KCNJ6: variants seen among roughly 807,000 people sequenced by gnomAD.
KCNJ6 encodes potassium inwardly rectifying channel subfamily J member 6, also known as G protein-activated inward rectifier potassium channel 2.
In KCNJ6, 9 loss-of-function variants were observed where a neutral mutation model predicts 34.2. That is an observed-to-expected ratio of 0.26 (90% CI 0.16 to 0.46). The LOEUF is 0.46. KCNJ6 is among the 20% of genes least tolerant of loss of function. The pLI, the probability that KCNJ6 is intolerant of heterozygous loss-of-function variation, is 1.00. For synonymous variants in KCNJ6, 196 were observed against 207.1 expected (o/e 0.95, Z 0.46); for missense variants, 236 against 531.3 (o/e 0.44, Z 5.46).
rs373930118 is a variant in KCNJ6 at position 37,714,395 on chromosome 21, C to T, written c.762G>A (p.Pro254=). The stretch of plus-strand genomic sequence containing the variant: ...CTACGTTGATATCCGTCTGGTTCAA[C>T]GGGATGAACTCCCCCTCCGAGGTCT... ...SKQTSEGEFI[P]LNQTDINVGY... The change falls in exon 3 of 4, where the codon CCG becomes CCA. Residue 254 remains proline, a synonymous_variant. Transcript: ENST00000609713. The surrounding 1 kb of genome is among the most constrained non-coding windows in gnomAD (Gnocchi z 5.9). 58 of 1,613,972 alleles carry T rather than the reference C, an allele frequency of 3.6e-5. 1 individual carries two copies. The highest frequency in any genetic ancestry group is 1.6e-4 in the Middle Eastern group (1 of 6,084).
At chr21:37,648,673 G>C (rs2054416777) in intron 3 of KCNJ6, among the ~76,000 whole-genome samples, 1 of 152,106 alleles carries the variant, frequency 6.6e-6, no homozygotes, top group African/African-American at 2.4e-5. Flanking sequence ...TTATTATGCT[G>C]CTTCTTGGAG....
chr21:37,802,506 G>A (rs1034530955), intron 2 of KCNJ6, among the ~76,000 whole-genome samples: 1 of 152,176 alleles, frequency 6.6e-6, no homozygotes, highest in African/African-American at 2.4e-5. Flanking sequence ...TGGAGAGAGA[G>A]AGATTGGAAG....
chr21:37,855,629 A>G (rs1275495293), intron 1 of KCNJ6, among the ~76,000 whole-genome samples: 8 of 152,240 alleles, frequency 5.3e-5, no homozygotes, highest in Non-Finnish European at 1.0e-4. Flanking sequence ...TTCAGAAGGC[A>G]GAAGTCAAGA....
At chr21:37,672,038 TTC>T (rs911912174) in intron 3 of KCNJ6, among the ~76,000 whole-genome samples, 20 of 152,324 alleles carry the variant, frequency 1.3e-4, no homozygotes, top group African/African-American at 3.1e-4. Flanking sequence ...TTGGAATACT[TTC>T]TGTTTCTTTT....
chr21:37,692,382 C>T (rs1008132577), intron 3 of KCNJ6, among the ~76,000 whole-genome samples: 3 of 151,864 alleles, frequency 2.0e-5, no homozygotes, highest in Non-Finnish European at 2.9e-5. Flanking sequence ...GTGAATGGTA[C>T]TTAAAGTGTG....
At chr21:37,783,821 A>G (rs2055181025) in intron 2 of KCNJ6, among the ~76,000 whole-genome samples, 1 of 152,134 alleles carries the variant, frequency 6.6e-6, no homozygotes, top group Non-Finnish European at 1.5e-5. Flanking sequence ...AGCTTTTAGG[A>G]TTAGTGTACT....
chr21:37,885,232 TG>T (rs577855317), intron 1 of KCNJ6, among the ~76,000 whole-genome samples: 242 of 152,172 alleles, frequency 1.6e-3, no homozygotes, highest in African/African-American at 5.5e-3. Context: ...GGGGTCCTCT[TG>T]GGGGAGGTAC....
intron 3 of KCNJ6, among the ~76,000 whole-genome samples, chr21:37,655,212 TGTGTGTGTGTGTGAGA>T (rs2054453817): frequency 6.7e-5 from 4 of 60,022 alleles, no homozygotes; most frequent in Admixed American, 2.1e-4. Flanking sequence ...TGTGTGTGTG[TGTGTGTGTGTGTGAGA>T]GAGAGAGAGA....
chr21:37,767,139 G>A (rs2055095293), intron 2 of KCNJ6, among the ~76,000 whole-genome samples: 1 of 152,130 alleles, frequency 6.6e-6, no homozygotes, highest in Admixed American at 6.5e-5. Flanking sequence ...TTAGTGTTGG[G>A]CACACTGTAC....
At chr21:37,886,700 C>T (rs2055737139) in intron 1 of KCNJ6, among the ~76,000 whole-genome samples, 1 of 152,160 alleles carries the variant, frequency 6.6e-6, no homozygotes, top group South Asian at 2.1e-4. Context: ...CTGCCTGCTG[C>T]CTCTCCATTT....
In KCNJ6 at chr21:37,656,778, A is replaced by G. The variant is rs144361165; in HGVS notation, c.947-31294T>C. ...AGAGAAATTCACATTCTACGTGGCCAAGCCTCCTGTCTCTCTTCTCTGGGG... is the reference window on the plus strand; with the variant it reads ...AGAGAAATTCACATTCTACGTGGCCGAGCCTCCTGTCTCTCTTCTCTGGGG... On this transcript the variant is annotated intron_variant, in intron 3 of 3. Transcript: ENST00000609713. 2.3e-3 allele frequency among the ~76,000 whole-genome samples: 347 copies of G among 152,298 alleles called. 1 individual carries two copies. The highest frequency in any genetic ancestry group is 7.9e-3 in the African/African-American group (327 of 41,550).
chr21:37,796,933 AC>A (rs1048501225), intron 2 of KCNJ6, among the ~76,000 whole-genome samples: 1 of 150,886 alleles, frequency 6.6e-6, no homozygotes. Context: ...AGCTGGGACT[AC>A]AGGCGCCCGC....
chr21:37,700,508 T>C (rs1441015524), intron 3 of KCNJ6, among the ~76,000 whole-genome samples: 4 of 151,692 alleles, frequency 2.6e-5, no homozygotes, highest in African/African-American at 9.7e-5. Flanking sequence ...AACCGGGGAG[T>C]TGAGGGGATG....
chr21:37,727,653 A>G (rs1422858104), intron 2 of KCNJ6, among the ~76,000 whole-genome samples: 1 of 152,174 alleles, frequency 6.6e-6, no homozygotes, highest in Non-Finnish European at 1.5e-5. Flanking sequence ...ATAGAAGTCA[A>G]GACAAAATGC....
intron 3 of KCNJ6, among the ~76,000 whole-genome samples, chr21:37,690,117 CAT>C (rs780018969): frequency 2.1e-5 from 3 of 145,586 alleles, no homozygotes; most frequent in Non-Finnish European, 4.5e-5. Flanking sequence ...GTTTGATTGA[CAT>C]ATGATATAAT....
At chr21:37,914,045 GTGTGTC>G (rs1000285149) in intron 1 of KCNJ6, among the ~76,000 whole-genome samples, 8 of 150,234 alleles carry the variant, frequency 5.3e-5, no homozygotes, top group Non-Finnish European at 1.0e-4. Flanking sequence ...GTGTGTGTGT[GTGTGTC>G]TGTGCGCGCG....
chr21:37,778,565 A>G (rs995229537), intron 2 of KCNJ6, among the ~76,000 whole-genome samples: 21 of 152,152 alleles, frequency 1.4e-4, no homozygotes, highest in African/African-American at 5.1e-4. Flanking sequence ...TTACTTTTGA[A>G]TTGACATCAG....
chr21:37,833,323 G>A (rs567476302), intron 2 of KCNJ6, among the ~76,000 whole-genome samples: 103 of 152,206 alleles, frequency 6.8e-4, no homozygotes, highest in African/African-American at 2.1e-3. Flanking sequence ...CTGACTTCTC[G>A]GAATTTCTAG....
chr21:37,634,149 A>C (rs2054346228), intron 3 of KCNJ6, among the ~76,000 whole-genome samples: 1 of 152,174 alleles, frequency 6.6e-6, no homozygotes, highest in Non-Finnish European at 1.5e-5. Flanking sequence ...TCCCAGGTTG[A>C]AATTGGATCC....
Sources: gnomAD v4.1 joint callset for allele counts (sites outside exome capture counted in the v4.1 genomes callset) on GRCh38, gnomAD v4.1.1 for gene constraint, Gnocchi (gnomAD v3.1) non-coding constraint, MANE v1.5 for transcripts, NCBI Gene and HGNC (gene_info 2026-07-23, HGNC 2026-07-21) for gene names.